Variants in SEMA5A observed in about 807,000 individuals in gnomAD.
SEMA5A encodes semaphorin 5A, also known as semaphorin-5A.
Under a neutral mutation model 135.5 loss-of-function variants are expected in SEMA5A, and 55 were observed. That is an observed-to-expected ratio of 0.41 (90% CI 0.33 to 0.51). The LOEUF is 0.51. Among genes scored for constraint, SEMA5A ranks in the 20% least tolerant of loss-of-function variants. The probability of loss-of-function intolerance (pLI) is 0.37; values close to 1 mark genes in which losing one functional copy is unlikely to be tolerated. For synonymous variants in SEMA5A, 580 were observed against 546.5 expected (o/e 1.06, Z -0.85); for missense variants, 1,290 against 1,419.9 (o/e 0.91, Z 1.47).
At chr5:9,090,895 T>G (rs927267052) in intron 16 of SEMA5A, among the ~76,000 whole-genome samples, 1 of 152,336 alleles carries the variant, frequency 6.6e-6, no homozygotes, top group Admixed American at 6.5e-5. Flanking sequence ...TGTAAAGCTG[T>G]GCCAAGCAAA....
At chr5:9,066,908 T>C (rs1737505680) in intron 16 of SEMA5A, among the ~76,000 whole-genome samples, 1 of 152,082 alleles carries the variant, frequency 6.6e-6, no homozygotes, top group African/African-American at 2.4e-5. Context: ...TAATTGCTTG[T>C]GGGAAAAAAA....
chr5:9,066,749 G>T, intron 16 of SEMA5A, 103 bp from the exon 17 acceptor site: 1 of 922,830 alleles, frequency 1.1e-6, no homozygotes, highest in Non-Finnish European at 1.7e-6. Context: ...TAAAACACCA[G>T]CTCCTAAGAC....
intron 8 of SEMA5A, among the ~76,000 whole-genome samples, chr5:9,206,575 G>T (rs1746029849): frequency 6.6e-6 from 1 of 151,870 alleles, no homozygotes; most frequent in Non-Finnish European, 1.5e-5. Flanking sequence ...TCAATATGGG[G>T]GTACACCATA....
intron 2 of SEMA5A, among the ~76,000 whole-genome samples, chr5:9,389,986 G>A (rs1756080565): frequency 6.6e-6 from 1 of 152,168 alleles, no homozygotes; most frequent in South Asian, 2.1e-4. Flanking sequence ...TGGATTGATG[G>A]AGAAAAAGAA....
chr5:9,088,659 T>TATATATATACACACACACAC, intron 16 of SEMA5A, among the ~76,000 whole-genome samples: 3 of 112,880 alleles, frequency 2.7e-5, no homozygotes, highest in Non-Finnish European at 3.5e-5. Context: ...TATATATATA[T>TATATATATACACACACACAC]ACACACACAC....
chr5:9,415,699 A>G (rs34830979), intron 2 of SEMA5A, among the ~76,000 whole-genome samples: 35,681 of 152,190 alleles, frequency 0.23, 5,240 homozygotes, highest in Non-Finnish European at 0.33. Context: ...AATGGAAAAT[A>G]TATGTAATAG....
chr5:9,469,888 T>A (rs1179631049), intron 1 of SEMA5A, among the ~76,000 whole-genome samples: 1 of 152,228 alleles, frequency 6.6e-6, no homozygotes, highest in Non-Finnish European at 1.5e-5. Flanking sequence ...GAGGGCAAGC[T>A]CTGAGCCAGA....
chr5:9,209,784 T>C (rs1427583642), intron 8 of SEMA5A, among the ~76,000 whole-genome samples: 4 of 152,092 alleles, frequency 2.6e-5, no homozygotes, highest in Non-Finnish European at 5.9e-5. Flanking sequence ...CTGGGATAAA[T>C]AAAAAGTTCA....
chr5:9,254,296 G>C (rs954790053), intron 5 of SEMA5A, among the ~76,000 whole-genome samples: 5 of 152,152 alleles, frequency 3.3e-5, no homozygotes, highest in African/African-American at 4.8e-5. Context: ...AGAAGTAAAG[G>C]TATATACTGT....
intron 13 of SEMA5A, among the ~76,000 whole-genome samples, chr5:9,134,081 G>A (rs1165837269): frequency 1.3e-5 from 2 of 152,120 alleles, no homozygotes; most frequent in African/African-American, 4.8e-5. Flanking sequence ...TTTCTGCCAT[G>A]ATTGTAAGTT....
At chr5:9,423,191 C>T (rs946604371) in intron 2 of SEMA5A, among the ~76,000 whole-genome samples, 2 of 152,138 alleles carry the variant, frequency 1.3e-5, no homozygotes, top group Non-Finnish European at 2.9e-5. Context: ...ACCTGCTTCC[C>T]CACTAGACTT....
intron 16 of SEMA5A, among the ~76,000 whole-genome samples, chr5:9,102,293 C>CT (rs1242068343): frequency 2.1e-4 from 32 of 152,166 alleles, no homozygotes; most frequent in African/African-American, 7.2e-4. Flanking sequence ...AAGGAGGTTG[C>CT]TATGCTCTTG....
chr5:9,381,942 T>TTGTG (rs148157627), intron 2 of SEMA5A, among the ~76,000 whole-genome samples: 7,189 of 109,066 alleles, frequency 0.066, 250 homozygotes, highest in South Asian at 0.083. Context: ...TAGAATCATT[T>TTGTG]TGTGTGTGTG....
intron 16 of SEMA5A, among the ~76,000 whole-genome samples, chr5:9,075,225 T>A (rs1374097659): frequency 6.6e-6 from 1 of 152,236 alleles, no homozygotes; most frequent in Non-Finnish European, 1.5e-5. Context: ...ACACTGCTGA[T>A]AGCATTGTAA....
At chr5:9,501,839 T>C (rs1276144147) in intron 1 of SEMA5A, among the ~76,000 whole-genome samples, 1 of 152,216 alleles carries the variant, frequency 6.6e-6, no homozygotes, top group African/African-American at 2.4e-5. Flanking sequence ...GTGCCACCAA[T>C]TGGGTTTTCC....
intron 3 of SEMA5A, among the ~76,000 whole-genome samples, chr5:9,353,157 G>GAAAGA (rs1561177125): frequency 7.7e-5 from 6 of 78,270 alleles, no homozygotes; most frequent in Non-Finnish European, 1.2e-4. Context: ...GAAAGGAAAG[G>GAAAGA]AAAGGAGGGA....
chr5:9,242,703 A>C (rs1447687644), intron 5 of SEMA5A, among the ~76,000 whole-genome samples: 1 of 152,144 alleles, frequency 6.6e-6, no homozygotes, highest in African/African-American at 2.4e-5. Flanking sequence ...GGATCTCACA[A>C]ATCTCCACTG....
chr5:9,318,527 CTTCT>C (rs1752489651), intron 4 of SEMA5A, 110 bp from the exon 5 acceptor site: 2 of 869,610 alleles, frequency 2.3e-6, no homozygotes, highest in South Asian at 1.7e-5. Flanking sequence ...TCAAAAGCAT[CTTCT>C]TTCTAAGAAT....
chr5:9,255,431 C>T (rs533515686), intron 5 of SEMA5A, among the ~76,000 whole-genome samples: 4 of 152,134 alleles, frequency 2.6e-5, no homozygotes, highest in Non-Finnish European at 5.9e-5. Context: ...AACAATGTGC[C>T]CTAACACAAA....
Sources: allele counts gnomAD v4.1 joint callset (sites outside exome capture counted in the v4.1 genomes callset), GRCh38; gene constraint gnomAD v4.1.1; transcripts MANE v1.5; gene names NCBI Gene and HGNC (gene_info 2026-07-23, HGNC 2026-07-21).